The following MCTP1 variants were observed in gnomAD, a reference collection of about 807,000 sequenced individuals.
MCTP1 encodes multiple C2 and transmembrane domain containing 1, also known as multiple C2 and transmembrane domain-containing protein 1.
In MCTP1, 69 loss-of-function variants were observed where a neutral mutation model predicts 120.6. The ratio of observed to expected loss-of-function variants is 0.57; its 90% CI spans 0.47 to 0.70. The LOEUF (loss-of-function observed/expected upper bound fraction) is 0.70. Among genes scored for constraint, MCTP1 ranks in the 30% least tolerant of loss-of-function variants. MCTP1 has a pLI of 0.00. For missense variants in MCTP1, 1,203 were observed against 1,248.8 expected, an observed-to-expected ratio of 0.96 and a Z score of 0.55; for synonymous variants, 529 against 493.1, an observed-to-expected ratio of 1.07 and a Z score of -0.96.
At chr5:94,771,215 T>C (rs531425491) in intron 19 of MCTP1, among the ~76,000 whole-genome samples, 4 of 152,276 alleles carry the variant, frequency 2.6e-5, no homozygotes, top group Non-Finnish European at 5.9e-5. Context: ...TACTTTATAG[T>C]CTCTGTAAAA....
In MCTP1 at chr5:94,714,782, T is replaced by TCA; in HGVS notation, c.2714_2715insTG (p.Lys906GlufsTer12). On this transcript the variant is annotated frameshift_variant, in exon 20 of 23. Transcript: ENST00000515393. LOFTEE classifies it high-confidence loss of function. The stretch of plus-strand genomic sequence containing the variant: ...CACAGGTCACCGTCACTCACTTCTT[T>TCA]ATCCTTTCGCCAAAGGAAGCCACTT... The TCA allele has an allele frequency of 6.4e-7, 1 of 1,574,436 alleles. No individual in the cohort carries two copies. Among genetic ancestry groups the TCA allele is most frequent in the Non-Finnish European group, 8.7e-7 (1 of 1,144,128 alleles).
At chr5:94,762,744 C>T (rs1771640868) in intron 19 of MCTP1, among the ~76,000 whole-genome samples, 1 of 152,162 alleles carries the variant, frequency 6.6e-6, no homozygotes. Context: ...TCTTCACCAC[C>T]AGACAAGCTA....
chr5:95,005,384 C>T (rs1834508970), intron 2 of MCTP1, among the ~76,000 whole-genome samples: 1 of 151,366 alleles, frequency 6.6e-6, no homozygotes, highest in Non-Finnish European at 1.5e-5. Flanking sequence ...GTTGGGAAGA[C>T]ATGATTGTGT....
intron 3 of MCTP1, among the ~76,000 whole-genome samples, chr5:94,952,005 C>T (rs1053668093): frequency 6.6e-6 from 1 of 151,806 alleles, no homozygotes; most frequent in Non-Finnish European, 1.5e-5. Context: ...AATGCCATCT[C>T]TACTAAAAAT....
chr5:94,743,507 A>C (rs1308432196), intron 19 of MCTP1, among the ~76,000 whole-genome samples: 3 of 152,168 alleles, frequency 2.0e-5, no homozygotes, highest in Non-Finnish European at 2.9e-5. Flanking sequence ...AAACGCCTGC[A>C]CAGGCCAGGC....
At chr5:95,170,896 T>C (rs1372994002) in intron 1 of MCTP1, among the ~76,000 whole-genome samples, 1 of 152,204 alleles carries the variant, frequency 6.6e-6, no homozygotes, top group Non-Finnish European at 1.5e-5. Flanking sequence ...AATTGGAGCA[T>C]TTAGTCCATT....
intron 19 of MCTP1, among the ~76,000 whole-genome samples, chr5:94,742,420 T>C (rs1292605815): frequency 1.3e-5 from 2 of 152,152 alleles, no homozygotes; most frequent in Admixed American, 1.3e-4. Context: ...GGCTTAGTGA[T>C]ACTAAGTAAA....
chr5:95,013,817 A>G (rs1562017569), intron 2 of MCTP1, among the ~76,000 whole-genome samples: 1 of 152,146 alleles, frequency 6.6e-6, no homozygotes, highest in Non-Finnish European at 1.5e-5. Context: ...TCTGCAGCCC[A>G]TCGATCAAGG....
chr5:95,044,565 A>G (rs1008373620), intron 1 of MCTP1, among the ~76,000 whole-genome samples: 1 of 152,036 alleles, frequency 6.6e-6, no homozygotes, highest in African/African-American at 2.4e-5. Flanking sequence ...TTCTACTTGG[A>G]TGTCTCAGAG....
At chr5:94,872,422 G>C (rs1797997108) in intron 13 of MCTP1, among the ~76,000 whole-genome samples, 1 of 151,974 alleles carries the variant, frequency 6.6e-6, no homozygotes, top group African/African-American at 2.4e-5. Context: ...TTCTTAAGCA[G>C]AGACATAATA....
intron 2 of MCTP1, among the ~76,000 whole-genome samples, chr5:95,012,320 G>T (rs1231731801): frequency 6.6e-6 from 1 of 152,096 alleles, no homozygotes; most frequent in Non-Finnish European, 1.5e-5. Flanking sequence ...TAATTTGCTT[G>T]TTCCTGGTAT....
In MCTP1 at chr5:95,138,233, A is replaced by ACCCCC. The variant is rs58216046; in HGVS notation, c.721-120754_721-120750dup. Among the ~76,000 whole-genome samples the ACCCCC allele has an allele frequency of 2.3e-3, 326 of 142,342 alleles. 1 individual carries two copies. The highest frequency in any genetic ancestry group is 3.4e-3 in the Non-Finnish European group (216 of 64,470). The allele number at this position is 142,342 out of a possible 152,430, so 93.4% of individuals were successfully genotyped here. On this transcript the variant is annotated intron_variant, in intron 1 of 22. Transcript: ENST00000515393. ...TTCATAGACTTTCCTGTGAGATGCAACCCCCCCCCGACATTAAAATAATAT... is the reference window on the plus strand; with the variant it reads ...TTCATAGACTTTCCTGTGAGATGCAACCCCCCCCCCCCCCGACATTAAAATAATAT...
chr5:95,269,973 A>C (rs1195802451), intron 1 of MCTP1, among the ~76,000 whole-genome samples: 1 of 152,206 alleles, frequency 6.6e-6, no homozygotes, highest in African/African-American at 2.4e-5. Context: ...TTCCCCTAAA[A>C]CTATGCCTTT....
At chr5:94,780,140 C>CTT (rs891691598) in intron 18 of MCTP1, among the ~76,000 whole-genome samples, 14 of 146,388 alleles carry the variant, frequency 9.6e-5, no homozygotes, top group Middle Eastern at 7.1e-3. Context: ...ATTCCTGTGT[C>CTT]TTTTTTTTTT....
chr5:95,078,095 G>C (rs1361888230), intron 1 of MCTP1, among the ~76,000 whole-genome samples: 1 of 122,242 alleles, frequency 8.2e-6, no homozygotes, highest in Non-Finnish European at 1.8e-5. Context: ...GAAACATGAA[G>C]GTTTGAAAGT....
At chr5:95,069,079 G>T (rs1751450379) in intron 1 of MCTP1, among the ~76,000 whole-genome samples, 1 of 151,178 alleles carries the variant, frequency 6.6e-6, no homozygotes. Flanking sequence ...GACAGCCAAA[G>T]AAATGTGCTT....
chr5:95,083,855 C>T (rs557605159), intron 1 of MCTP1, among the ~76,000 whole-genome samples: 21 of 152,036 alleles, frequency 1.4e-4, no homozygotes, highest in African/African-American at 3.1e-4. Context: ...GAACCATAAA[C>T]GGTGGAAGCG....
intron 17 of MCTP1, among the ~76,000 whole-genome samples, chr5:94,847,823 ACT>A (rs1156533642): frequency 2.0e-5 from 3 of 151,680 alleles, no homozygotes; most frequent in Non-Finnish European, 4.4e-5. Flanking sequence ...AACAGAGGAA[ACT>A]CTGTTACTTC....
At chr5:95,257,680 GA>G (rs1168561695) in intron 1 of MCTP1, among the ~76,000 whole-genome samples, 1 of 151,948 alleles carries the variant, frequency 6.6e-6, no homozygotes, top group African/African-American at 2.4e-5. Context: ...TCAAGTAAAA[GA>G]AAACAGGAAT....
Sources: gnomAD v4.1 joint callset for allele counts (sites outside exome capture counted in the v4.1 genomes callset) on GRCh38, gnomAD v4.1.1 for gene constraint, MANE v1.5 for transcripts, NCBI Gene and HGNC (gene_info 2026-07-23, HGNC 2026-07-21) for gene names.